DLG2: variants seen among roughly 807,000 people sequenced by gnomAD.
DLG2 encodes disks large homolog 2.
A neutral mutation model predicts 132.5 loss-of-function variants in DLG2; 45 were observed. That is an observed-to-expected ratio of 0.34 (90% CI 0.27 to 0.44). The LOEUF is 0.44. DLG2 is among the 20% of genes least tolerant of loss of function. DLG2 has a pLI of 1.00. For synonymous variants in DLG2, 424 were observed against 419.6 expected, an observed-to-expected ratio of 1.01 and a Z score of -0.13; for missense variants, 1,045 against 1,196.9, an observed-to-expected ratio of 0.87 and a Z score of 1.87.
At chr11:85,117,102 G>A (rs577585227) in intron 5 of DLG2, among the ~76,000 whole-genome samples, 5 of 151,966 alleles carry the variant, frequency 3.3e-5, no homozygotes, top group Non-Finnish European at 5.9e-5. Flanking sequence ...CTCAGAGTTC[G>A]TCAAGGCAAA....
At chr11:84,524,552 T>C (rs2099314301) in intron 7 of DLG2, among the ~76,000 whole-genome samples, 1 of 152,226 alleles carries the variant, frequency 6.6e-6, no homozygotes, top group Non-Finnish European at 1.5e-5. Flanking sequence ...GCCAAACCTT[T>C]ATGTTTTTAT....
chr11:85,343,944 T>TAAG (rs1483855164), intron 3 of DLG2, among the ~76,000 whole-genome samples: 4 of 152,158 alleles, frequency 2.6e-5, no homozygotes, highest in African/African-American at 9.7e-5. Context: ...ATGGAAGTAA[T>TAAG]AAGCCACTCA....
intron 7 of DLG2, among the ~76,000 whole-genome samples, chr11:84,417,729 T>C (rs977844306): frequency 1.1e-4 from 17 of 152,200 alleles, no homozygotes; most frequent in Non-Finnish European, 2.5e-4. Context: ...CTCTGCCTTC[T>C]TCAAAACAAT....
intron 6 of DLG2, among the ~76,000 whole-genome samples, chr11:84,611,735 A>G (rs2099595931): frequency 6.6e-6 from 1 of 152,180 alleles, no homozygotes; most frequent in Non-Finnish European, 1.5e-5. Flanking sequence ...TGCCCAAAGA[A>G]AGATACTTTC....
chr11:84,931,938 T>C (rs973996416), intron 6 of DLG2, among the ~76,000 whole-genome samples: 2 of 152,246 alleles, frequency 1.3e-5, no homozygotes, highest in Non-Finnish European at 2.9e-5. Context: ...TCTGTTCATG[T>C]CCTTTGCCCA....
At chr11:85,432,189 G>A (rs1018679674) in intron 3 of DLG2, among the ~76,000 whole-genome samples, 2 of 152,154 alleles carry the variant, frequency 1.3e-5, no homozygotes, top group South Asian at 4.1e-4. Flanking sequence ...CTCAAAGATC[G>A]AATCTAGACA....
In DLG2 at chr11:85,420,100, T is replaced by C. The variant is rs547293483; in HGVS notation, c.41-134735A>G. On this transcript the variant is annotated intron_variant, in intron 3 of 27. Transcript: ENST00000376104. ...TACCTTTGGTCTTTGGTTGGTGACC[T>C]TTGGATGGGGTTTTCATGTGCATGT... Among the ~76,000 whole-genome samples, 7 of 152,334 alleles carry C rather than the reference T, an allele frequency of 4.6e-5. No homozygotes were observed. The East Asian group carries it at 1.4e-3, about 29-fold the overall frequency.
intron 18 of DLG2, among the ~76,000 whole-genome samples, chr11:83,671,771 G>A (rs985597418): frequency 7.2e-5 from 11 of 152,090 alleles, no homozygotes; most frequent in African/African-American, 2.7e-4. Flanking sequence ...AGATAAGGGT[G>A]CTTGTTTTTA....
intron 3 of DLG2, among the ~76,000 whole-genome samples, chr11:85,501,517 C>T (rs1477713071): frequency 6.6e-6 from 1 of 152,070 alleles, no homozygotes; most frequent in Non-Finnish European, 1.5e-5. Context: ...TGCAATCTAT[C>T]CATCTGACAA....
intron 19 of DLG2, among the ~76,000 whole-genome samples, chr11:83,620,898 A>G (rs1038213087): frequency 6.8e-6 from 1 of 146,630 alleles, no homozygotes; most frequent in Non-Finnish European, 1.5e-5. Context: ...AAAAAAATGC[A>G]TTCCTAAGGA....
At chr11:84,329,343 T>A (rs2098447968) in intron 7 of DLG2, among the ~76,000 whole-genome samples, 1 of 152,160 alleles carries the variant, frequency 6.6e-6, no homozygotes, top group Non-Finnish European at 1.5e-5. Context: ...GAATTGTAGT[T>A]CCCATAATCC....
intron 6 of DLG2, among the ~76,000 whole-genome samples, chr11:84,601,836 T>C (rs17147437): frequency 0.12 from 17,643 of 152,038 alleles, 1,149 homozygotes; most frequent in Admixed American, 0.17. Context: ...TTAATATTGC[T>C]AAAGGTCTGT....
intron 9 of DLG2, among the ~76,000 whole-genome samples, chr11:84,103,285 C>T (rs1037280069): frequency 6.6e-6 from 1 of 152,098 alleles, no homozygotes; most frequent in South Asian, 2.1e-4. Flanking sequence ...CTGCCTGCTG[C>T]TCTCTATGGC....
chr11:85,377,803 A>ATATATATATATATATATATATATT (rs35141583), intron 3 of DLG2, among the ~76,000 whole-genome samples: 1 of 131,292 alleles, frequency 7.6e-6, no homozygotes, highest in Non-Finnish European at 1.6e-5. Context: ...ATATATATAT[A>ATATATATATATATATATATATATT]TGTGTGTGTG....
At chr11:83,749,616 C>T (rs185732315) in intron 18 of DLG2, among the ~76,000 whole-genome samples, 4 of 152,266 alleles carry the variant, frequency 2.6e-5, no homozygotes, top group African/African-American at 9.6e-5. Context: ...CAGCTGTATG[C>T]CATCTTTGAG....
Position 85,446,588 on chromosome 11 carries a change from T to C in DLG2, c.40+152069A>G, listed in dbSNP as rs1269802179. Among the ~76,000 whole-genome samples, 4 of 152,204 alleles carry C rather than the reference T, an allele frequency of 2.6e-5. No homozygotes were observed. In the East Asian group the frequency reaches 7.7e-4, roughly 29 times the overall value. Reference sequence around the variant, plus strand: ...ACTTTATAAACATCTTATTTAATCCTTGCTACAACTATTTAAGATAAAATA... The same window carrying C: ...ACTTTATAAACATCTTATTTAATCCCTGCTACAACTATTTAAGATAAAATA... On this transcript the variant is annotated intron_variant, in intron 3 of 27. Coordinates refer to ENST00000376104, the MANE Select transcript of DLG2 (RefSeq NM_001142699.3).
At chr11:85,469,143 T>C (rs2092904676) in intron 3 of DLG2, among the ~76,000 whole-genome samples, 1 of 152,224 alleles carries the variant, frequency 6.6e-6, no homozygotes, top group Non-Finnish European at 1.5e-5. Context: ...ATCCAATCCA[T>C]CAGCAAGTCC....
chr11:85,257,874 G>C (rs1565225499), intron 4 of DLG2, among the ~76,000 whole-genome samples: 1 of 152,084 alleles, frequency 6.6e-6, no homozygotes, highest in Non-Finnish European at 1.5e-5. Context: ...TTACAAATGA[G>C]AAAATATAAG....
At chr11:85,340,677 G>T (rs1304445861) in intron 3 of DLG2, among the ~76,000 whole-genome samples, 1 of 152,114 alleles carries the variant, frequency 6.6e-6, no homozygotes, top group African/African-American at 2.4e-5. Flanking sequence ...AAGAATATTA[G>T]CCCTTTGCCT....
Sources: allele counts gnomAD v4.1 joint callset (sites outside exome capture counted in the v4.1 genomes callset), GRCh38; gene constraint gnomAD v4.1.1; transcripts MANE v1.5; gene names NCBI Gene and HGNC (gene_info 2026-07-23, HGNC 2026-07-21).